Variants in OXR1 observed in about 807,000 individuals in gnomAD.
The protein encoded by OXR1 is oxidation resistance 1.
In OXR1, 41 loss-of-function variants were observed where a neutral mutation model predicts 104.6. That is an observed-to-expected ratio of 0.39 (90% CI 0.31 to 0.51). The LOEUF is 0.51. OXR1 is among the 20% of genes least tolerant of loss of function. The pLI is 0.77. For synonymous variants in OXR1, 348 were observed against 348.4 expected (o/e 1.00, Z 0.01); for missense variants, 955 against 1,031.9 (o/e 0.93, Z 1.02).
intron 2 of OXR1, among the ~76,000 whole-genome samples, chr8:106,360,249 AC>A (rs1303255390): frequency 7.2e-5 from 11 of 152,324 alleles, no homozygotes; most frequent in African/African-American, 2.6e-4. Flanking sequence ...GCAATGAAGA[AC>A]AATACTAGTA....
intron 1 of OXR1, among the ~76,000 whole-genome samples, chr8:106,333,842 A>G (rs777787339): frequency 2.0e-5 from 3 of 152,100 alleles, no homozygotes; most frequent in Non-Finnish European, 2.9e-5. Flanking sequence ...TGCCAATACC[A>G]CACTGTTTTT....
intron 7 of OXR1, among the ~76,000 whole-genome samples, chr8:106,696,810 C>G (rs1468608773): frequency 6.6e-6 from 1 of 152,174 alleles, no homozygotes; most frequent in Non-Finnish European, 1.5e-5. Context: ...AGGCAGCCCT[C>G]CCTCTCCGTC....
At chr8:106,372,273 C>T (rs967253335) in intron 2 of OXR1, among the ~76,000 whole-genome samples, 5 of 152,324 alleles carry the variant, frequency 3.3e-5, no homozygotes, top group South Asian at 2.1e-4. Context: ...TCCCCATCTC[C>T]CTGTGGCTCT....
chr8:106,660,750 C>T (rs1005056880), intron 3 of OXR1, among the ~76,000 whole-genome samples: 1 of 152,096 alleles, frequency 6.6e-6, no homozygotes, highest in Non-Finnish European at 1.5e-5. Context: ...CGGTGGCTCA[C>T]GTCGGTAATC....
At chr8:106,559,381 A>G (rs1816514701) in intron 3 of OXR1, among the ~76,000 whole-genome samples, 1 of 152,154 alleles carries the variant, frequency 6.6e-6, no homozygotes, top group South Asian at 2.1e-4. Context: ...AGCCCTCAAC[A>G]AAATCATCCT....
chr8:106,692,791 C>A lies in OXR1; in HGVS notation c.589C>A (p.Arg197=). The A allele has an allele frequency of 6.2e-7, 1 of 1,600,828 alleles. No individual in the cohort carries two copies. Among genetic ancestry groups the A allele is most frequent in the East Asian group, 2.2e-5 (1 of 44,584 alleles). Residue 197 remains arginine (R), a synonymous_variant, in exon 7 of 17, where the codon CGA becomes AGA. Transcript: ENST00000517566. ...SSTFTGIRPA[R]VVSSTSEEEE... ...TACTTTCACTGGTATTCGACCTGCA[C>A]GAGTTGTATCTTCAACTTCTGAGGA...
intron 3 of OXR1, among the ~76,000 whole-genome samples, chr8:106,593,247 T>G (rs1477676509): frequency 6.6e-6 from 1 of 152,176 alleles, no homozygotes; most frequent in African/African-American, 2.4e-5. Context: ...GTATGCACGT[T>G]GACTCCTTCA....
At chr8:106,280,028 G>T (rs1483514475) in intron 1 of OXR1, among the ~76,000 whole-genome samples, 2 of 152,118 alleles carry the variant, frequency 1.3e-5, no homozygotes, top group Non-Finnish European at 2.9e-5. Context: ...TTTGGGGGAA[G>T]AATAGGCCAT....
chr8:106,599,269 G>A (rs1210429658), intron 3 of OXR1, among the ~76,000 whole-genome samples: 2 of 152,130 alleles, frequency 1.3e-5, no homozygotes, highest in Admixed American at 1.3e-4. Flanking sequence ...GAAAACTGGT[G>A]GCAGGACACA....
chr8:106,459,789 G>A (rs1264798287), intron 2 of OXR1, among the ~76,000 whole-genome samples: 1 of 152,140 alleles, frequency 6.6e-6, no homozygotes, highest in African/African-American at 2.4e-5. Context: ...TATTGCATCA[G>A]CTGCCACACT....
intron 1 of OXR1, among the ~76,000 whole-genome samples, chr8:106,313,272 A>G (rs1246507013): frequency 6.6e-6 from 1 of 152,178 alleles, no homozygotes; most frequent in Non-Finnish European, 1.5e-5. Flanking sequence ...CATTGAAACT[A>G]CACATTCAAC....
intron 3 of OXR1, among the ~76,000 whole-genome samples, chr8:106,596,083 A>G (rs1819506023): frequency 6.6e-6 from 1 of 152,072 alleles, no homozygotes; most frequent in South Asian, 2.1e-4. Flanking sequence ...CGTTTGTTCA[A>G]TAAATATTTA....
At chr8:106,494,678 T>C (rs944517057) in intron 2 of OXR1, among the ~76,000 whole-genome samples, 2 of 152,154 alleles carry the variant, frequency 1.3e-5, no homozygotes, top group African/African-American at 4.8e-5. Flanking sequence ...TATAAACAAA[T>C]CTTCTGGGAA....
At chr8:106,454,305 C>T (rs1416123616) in intron 2 of OXR1, among the ~76,000 whole-genome samples, 1 of 151,542 alleles carries the variant, frequency 6.6e-6, no homozygotes, top group Non-Finnish European at 1.5e-5. Context: ...TACTAAAATA[C>T]AAAAAATTAG....
intron 3 of OXR1, among the ~76,000 whole-genome samples, chr8:106,522,335 C>G (rs1452635046): frequency 6.6e-6 from 1 of 152,164 alleles, no homozygotes; most frequent in Non-Finnish European, 1.5e-5. Context: ...TGGAAATCAT[C>G]TCTAGGTTAC....
chr8:106,487,905 C>G (rs1249530567), intron 2 of OXR1, among the ~76,000 whole-genome samples: 1 of 151,764 alleles, frequency 6.6e-6, no homozygotes, highest in African/African-American at 2.4e-5. Context: ...GTCTTTAGAG[C>G]AGCATGATTT....
In OXR1 at chr8:106,566,154, C is replaced by T. The variant is rs536512454; in HGVS notation, c.220+47015C>T. Among the ~76,000 whole-genome samples, 4 of 152,202 alleles carry T rather than the reference C, an allele frequency of 2.6e-5. No homozygotes were observed. In the East Asian group the frequency reaches 5.8e-4, roughly 22 times the overall value. ...CTAATTAAACTAAAGAGCTTCTGCT[C>T]AGCAAAAGAAACTATCATCAGAGTG... On this transcript the variant is annotated intron_variant, in intron 3 of 16. Coordinates refer to ENST00000517566, the MANE Select transcript of OXR1 (RefSeq NM_001198533.2).
chr8:106,655,700 T>G (rs1166190263), intron 3 of OXR1, among the ~76,000 whole-genome samples: 1 of 152,146 alleles, frequency 6.6e-6, no homozygotes, highest in East Asian at 1.9e-4. Flanking sequence ...TGATGACAGT[T>G]CAGACAACAA....
intron 2 of OXR1, among the ~76,000 whole-genome samples, chr8:106,489,356 G>A (rs1046096577): frequency 1.3e-5 from 2 of 152,158 alleles, no homozygotes; most frequent in African/African-American, 4.8e-5. Context: ...GATAAGCCCT[G>A]AGAGAGCACA....
Sources: gnomAD v4.1 joint callset for allele counts (sites outside exome capture counted in the v4.1 genomes callset) on GRCh38, gnomAD v4.1.1 for gene constraint, MANE v1.5 for transcripts, NCBI Gene and HGNC (gene_info 2026-07-23, HGNC 2026-07-21) for gene names.